Variants in NR1I3 observed in about 807,000 individuals in gnomAD.
NR1I3 encodes nuclear receptor subfamily 1 group I member 3.
Under a neutral mutation model 38.4 loss-of-function variants are expected in NR1I3, and 30 were observed. That is an observed-to-expected ratio of 0.78 (90% CI 0.58 to 1.06). The LOEUF (loss-of-function observed/expected upper bound fraction) is 1.06. NR1I3 is among the 50% of genes least tolerant of loss of function. NR1I3 has a pLI of 0.00. For synonymous variants in NR1I3, 143 were observed against 165.1 expected (o/e 0.87, Z 1.03); for missense variants, 388 against 435.7 (o/e 0.89, Z 0.97).
intron 3 of NR1I3, among the ~76,000 whole-genome samples, chr1:161,234,701 CG>C (rs1448992249): frequency 6.6e-6 from 1 of 152,152 alleles, no homozygotes; most frequent in African/African-American, 2.4e-5. Context: ...CCACCGTGCT[CG>C]GCCTGCACAA....
chr1:161,235,398 G>C (rs1490726574), intron 3 of NR1I3: 1 of 153,096 alleles, frequency 6.5e-6, no homozygotes, highest in Non-Finnish European at 1.4e-5. Context: ...CCGAGTAGCT[G>C]GGACTACAGG....
Position 161,238,066 on chromosome 1 carries a change from C to G in NR1I3, c.-59G>C. 6.2e-7 allele frequency: 1 copy of G among 1,614,028 alleles called. No individual in the cohort carries two copies. The highest frequency in any genetic ancestry group is 8.5e-7 in the Non-Finnish European group (1 of 1,179,886). On this transcript the variant is annotated 5_prime_UTR_variant, in exon 1 of 9. Transcript: ENST00000367983. ...CTGCTTCTCTTAGGCAGCATGTCAC[C>G]TGCAGGCCACAGAATCTGGTATGGA...
In NR1I3 at chr1:161,238,086, T is replaced by TA. The variant is rs988102119; in HGVS notation, c.-80dup. The TA allele has an allele frequency of 2.5e-6, 4 of 1,613,736 alleles. No homozygotes were observed. The African/African-American group carries it at 4.0e-5, about 16-fold the overall frequency. ...GTCACCTGCAGGCCACAGAATCTGGTATGGAATGCCTCTCCCCAAACTCCC... is the reference window on the plus strand; with the variant it reads ...GTCACCTGCAGGCCACAGAATCTGGTAATGGAATGCCTCTCCCCAAACTCCC... On this transcript the variant is annotated 5_prime_UTR_variant, in exon 1 of 9. Coordinates refer to ENST00000367983, the MANE Select transcript of NR1I3 (RefSeq NM_005122.5).
At chr1:161,230,376 T>A (rs1666887440) in intron 8 of NR1I3, 1 of 332,260 alleles carries the variant, frequency 3.0e-6, no homozygotes, top group Admixed American at 4.6e-5. Flanking sequence ...AACCTGGAAC[T>A]GGCTTTGACC....
chr1:161,232,901 C>T lies in NR1I3; in HGVS notation c.454G>A (p.Ala152Thr), dbSNP rs1667680825. The T allele has an allele frequency of 1.4e-5, 22 of 1,614,162 alleles. No individual in the cohort carries two copies. Among genetic ancestry groups the T allele is most frequent in the Non-Finnish European group, 1.9e-5 (22 of 1,180,028 alleles). The change falls in exon 5 of 9, where the codon GCC becomes ACC. Residue 152 changes from alanine (A) to threonine (T), a missense_variant. Coordinates refer to ENST00000367983, the MANE Select transcript of NR1I3 (RefSeq NM_005122.5). ...TGTGTGACCAGAGGCAGCACAGGGGCCAGGGTGGGCAAGGGCTGGTGATGG... is the reference window on the plus strand; with the variant it reads ...TGTGTGACCAGAGGCAGCACAGGGGTCAGGGTGGGCAAGGGCTGGTGATGG... ...FIHHQPLPTLAPVLPLVTHFA... is the reference protein window; with the variant it reads ...FIHHQPLPTLTPVLPLVTHFA...
chr1:161,231,606 T>G, intron 5 of NR1I3, 132 bp from the exon 6 acceptor site: 1 of 835,774 alleles, frequency 1.2e-6, no homozygotes, highest in Non-Finnish European at 1.8e-6. Flanking sequence ...GTTCAAGCAA[T>G]TCTCCTGCCT....
At chr1:161,231,506 A>AT in intron 5 of NR1I3, 32 bp from the exon 6 acceptor site, 1 of 1,570,186 alleles carries the variant, frequency 6.4e-7, no homozygotes, top group Admixed American at 2.2e-5. Context: ...GACACTTTTC[A>AT]ATTTTTTTTT....
intron 1 of NR1I3, 84 bp from the exon 2 acceptor site, chr1:161,236,682 A>C: frequency 7.3e-7 from 1 of 1,369,654 alleles, no homozygotes; most frequent in Non-Finnish European, 9.8e-7. Flanking sequence ...TTCCAAACCA[A>C]ACCAAACATG....
rs566577669 is a variant in NR1I3, at chr1:161,231,712, G to A, written c.549-238C>T. On this transcript the variant is annotated intron_variant, in intron 5 of 8. Transcript: ENST00000367983. ...AGACGGGTTTTCACCATGTTGGCCA[G>A]GCTGGTCTCCAACTACTGACCTCAG... Among the ~76,000 whole-genome samples, 10 of 152,240 alleles carry A rather than the reference G, an allele frequency of 6.6e-5. No homozygotes were observed. The South Asian group carries it at 1.5e-3, about 22-fold the overall frequency.
At chr1:161,237,696 C>T (rs972764886) in intron 1 of NR1I3, among the ~76,000 whole-genome samples, 6 of 151,546 alleles carry the variant, frequency 4.0e-5, no homozygotes, top group South Asian at 2.1e-4. Context: ...CCAGCTTGGG[C>T]GACAGAGCGA....
rs779493594 is a variant in NR1I3, at chr1:161,229,837, AGGCCCTG to A, written c.1000_1006del (p.Gln334CysfsTer4). The A allele has an allele frequency of 1.2e-6, 2 of 1,614,232 alleles. No individual in the cohort carries two copies. The highest frequency in any genetic ancestry group is 1.7e-6 in the Non-Finnish European group (2 of 1,180,042). On this transcript the variant is annotated frameshift_variant, in exon 9 of 9. Coordinates refer to ENST00000367983, the MANE Select transcript of NR1I3 (RefSeq NM_005122.5). LOFTEE classifies it high-confidence loss of function. ...CTGGAGCAGCGGCATCATGGCAGAC[AGGCCCTG>A]GATGTGCTGGATTTGGTACCCGTAG...
At chr1:161,235,245 G>A (rs1176940897) in intron 3 of NR1I3, 1 of 148,682 alleles carries the variant, frequency 6.7e-6, no homozygotes. Context: ...TTGGGGAAGA[G>A]TGCGCTTGGT....
chr1:161,236,536 G>C lies in NR1I3; in HGVS notation c.30C>G (p.Asn10Lys). 1.2e-6 allele frequency: 2 copies of C among 1,614,136 alleles called. No individual in the cohort carries two copies. The highest frequency in any genetic ancestry group is 2.2e-5 in the South Asian group (2 of 91,080). The change falls in exon 2 of 9, where the codon AAC becomes AAG. Residue 10 changes from asparagine to lysine, a missense_variant. Coordinates refer to ENST00000367983, the MANE Select transcript of NR1I3 (RefSeq NM_005122.5). ...TGGCTTGGTCCCCACATACCACACAGTTCCTCAGCTCATCTTCCCTACTGG... is the reference window on the plus strand; with the variant it reads ...TGGCTTGGTCCCCACATACCACACACTTCCTCAGCTCATCTTCCCTACTGG... MASREDELRNCVVCGDQATG... is the reference protein window; with the variant it reads MASREDELRKCVVCGDQATG...
At chr1:161,230,005 C>G in intron 8 of NR1I3, 79 bp from the exon 9 acceptor site, 1 of 1,532,344 alleles carries the variant, frequency 6.5e-7, no homozygotes, top group Non-Finnish European at 9.0e-7. Flanking sequence ...AGGCCCTGAT[C>G]CCCTGAACTA....
At chr1:161,236,899 GTTTA>G (rs898626937) in intron 1 of NR1I3, among the ~76,000 whole-genome samples, 1 of 143,082 alleles carries the variant, frequency 7.0e-6, no homozygotes, top group Non-Finnish European at 1.5e-5. Context: ...GCTAATTTTT[GTTTA>G]TTTATTTATT....
At chr1:161,232,770 G>C in intron 5 of NR1I3, 37 bp downstream of exon 5, 2 of 1,608,382 alleles carry the variant, frequency 1.2e-6, no homozygotes, top group Non-Finnish European at 1.7e-6. Flanking sequence ...ATTTACTGAA[G>C]TGTTTGCCTC....
Position 161,230,936 on chromosome 1 carries a change from G to A in NR1I3, c.812-18C>T, listed in dbSNP as rs1194270504. 6.2e-7 allele frequency: 1 copy of A among 1,613,910 alleles called. No individual in the cohort carries two copies. Among genetic ancestry groups the A allele is most frequent in the Admixed American group, 1.7e-5 (1 of 60,000 alleles). On this transcript the variant is annotated intron_variant, in intron 7 of 8. Transcript: ENST00000367983. ...AGGTCGGTCTGTAAGATAGGGAGCT[G>A]GGAAGGACAAGTTGGGTGGCAGGGG... is the stretch of plus-strand genomic sequence containing the variant.
rs745338458 is a variant in NR1I3 at position 161,232,878 on chromosome 1, T to C, written c.477A>G (p.Thr159=). The change falls in exon 5 of 9, where the codon ACA becomes ACG. Residue 159 remains threonine, a synonymous_variant. Coordinates refer to ENST00000367983, the MANE Select transcript of NR1I3 (RefSeq NM_005122.5). ...PTLAPVLPLV[T]HFADINTFMV... ...TGAAAGTGTTGATGTCTGCGAAGTG[T>C]GTGACCAGAGGCAGCACAGGGGCCA... 1.2e-6 allele frequency: 2 copies of C among 1,614,192 alleles called. No homozygotes were observed. The highest frequency in any genetic ancestry group is 4.5e-5 in the East Asian group (2 of 44,888).
rs1186318287 is a variant in NR1I3, at chr1:161,235,990, GAGATGTTGTT to G, written c.108-23_108-14del. ...GCTGACTGTTCTCCTGTGAGACACA[GAGATGTTGTT>G]AGAGTCTGGGATGCAATGGATAGGT... On this transcript the variant is annotated splice_polypyrimidine_tract_variant and intron_variant, in intron 2 of 8. Transcript: ENST00000367983. The G allele has an allele frequency of 1.3e-6, 2 of 1,577,294 alleles. 1 individual carries two copies. The highest frequency in any genetic ancestry group is 4.5e-5 in the East Asian group (2 of 44,606).
Sources: allele counts gnomAD v4.1 joint callset (sites outside exome capture counted in the v4.1 genomes callset), GRCh38; gene constraint gnomAD v4.1.1; transcripts MANE v1.5; gene names NCBI Gene and HGNC (gene_info 2026-07-23, HGNC 2026-07-21).